Variants in P3H2 observed in about 807,000 individuals in gnomAD.
The protein encoded by P3H2 is prolyl 3-hydroxylase 2.
A neutral mutation model predicts 87.0 loss-of-function variants in P3H2; 80 were observed. That is an observed-to-expected ratio of 0.92 (90% confidence interval 0.77 to 1.11). The LOEUF (loss-of-function observed/expected upper bound fraction) is 1.11, where lower values mean the gene tolerates loss of function less well. Ranked by LOEUF, P3H2 falls within the 50% of genes least tolerant of loss-of-function variation. The pLI, the probability that P3H2 is intolerant of heterozygous loss-of-function variation, is 0.00. For missense variants in P3H2, 1,001 were observed against 923.9 expected, an observed-to-expected ratio of 1.08 and a Z score of -1.08; for synonymous variants, 367 against 359.3, an observed-to-expected ratio of 1.02 and a Z score of -0.24.
intron 1 of P3H2, among the ~76,000 whole-genome samples, chr3:190,025,015 CTT>C (rs1171524913): frequency 6.6e-6 from 1 of 152,080 alleles, no homozygotes; most frequent in African/African-American, 2.4e-5. Context: ...TAAAAAGACT[CTT>C]AAAGGAACTA....
intron 1 of P3H2, among the ~76,000 whole-genome samples, chr3:190,003,791 C>T (rs1387645477): frequency 6.6e-6 from 1 of 152,162 alleles, no homozygotes; most frequent in Non-Finnish European, 1.5e-5. Context: ...GGGATCTTAA[C>T]CTCTGCAGTG....
intron 13 of P3H2, among the ~76,000 whole-genome samples, chr3:189,965,203 C>T (rs1249156163): frequency 2.0e-5 from 3 of 152,138 alleles, no homozygotes; most frequent in Non-Finnish European, 4.4e-5. Flanking sequence ...GCTGGTTTTT[C>T]ACTGCTAGCT....
At chr3:190,025,745 A>C (rs1369369036) in intron 1 of P3H2, among the ~76,000 whole-genome samples, 1 of 152,178 alleles carries the variant, frequency 6.6e-6, no homozygotes, top group Non-Finnish European at 1.5e-5. Flanking sequence ...GAGCTGATTC[A>C]TTTACAAATG....
chr3:190,107,490 TTCC>T (rs1317438494), intron 1 of P3H2, among the ~76,000 whole-genome samples: 2 of 152,312 alleles, frequency 1.3e-5, no homozygotes, highest in South Asian at 4.1e-4. Flanking sequence ...TCACAAATAT[TTCC>T]TCATTTTGTC....
Position 189,994,125 on chromosome 3 carries a change from C to A in P3H2, c.792G>T (p.Gly264=). 6.2e-7 allele frequency: 1 copy of A among 1,613,408 alleles called. No individual in the cohort carries two copies. Among genetic ancestry groups the A allele is most frequent in the Non-Finnish European group, 8.5e-7 (1 of 1,179,728 alleles). The change falls in exon 3 of 15, where the codon GGG becomes GGT. Residue 264 remains glycine (G), a synonymous_variant. Coordinates refer to ENST00000319332, the MANE Select transcript of P3H2 (RefSeq NM_018192.4). The stretch of plus-strand genomic sequence containing the variant: ...TAGCTTCATACAGACCAGCCTTATA[C>A]CCTAAATACTCATATTCTTCAAATC... The part of the protein sequence containing the change: ...PQRFEEYEYL[G]YKAGLYEAIA...
chr3:190,090,123 C>T (rs1457948071), intron 1 of P3H2, among the ~76,000 whole-genome samples: 3 of 152,148 alleles, frequency 2.0e-5, no homozygotes, highest in Non-Finnish European at 4.4e-5. Context: ...CCCCAACAGA[C>T]CCTTTCCATT....
At chr3:190,055,287 T>TA (rs140979759) in intron 1 of P3H2, among the ~76,000 whole-genome samples, 3,026 of 152,282 alleles carry the variant, frequency 0.02, 109 homozygotes, top group African/African-American at 0.07. Context: ...TTCGTTTGGA[T>TA]AAAACTTCTA....
chr3:189,974,085 G>T, intron 9 of P3H2, 81 bp from the exon 10 acceptor site: 1 of 1,127,792 alleles, frequency 8.9e-7, no homozygotes, highest in Non-Finnish European at 1.4e-6. Context: ...CTGCCAGAAA[G>T]CTGAGAACTC....
chr3:190,035,048 C>T (rs1195745423), intron 1 of P3H2, among the ~76,000 whole-genome samples: 1 of 151,828 alleles, frequency 6.6e-6, no homozygotes, highest in Non-Finnish European at 1.5e-5. Context: ...AGTGTTTCAC[C>T]GTATTGGTCT....
chr3:190,034,822 G>A (rs1234353443), intron 1 of P3H2, among the ~76,000 whole-genome samples: 1 of 150,496 alleles, frequency 6.6e-6, no homozygotes, highest in African/African-American at 2.4e-5. Flanking sequence ...AAAAATATCT[G>A]GCCAAATCGC....
At chr3:190,032,448 T>C (rs1230435147) in intron 1 of P3H2, among the ~76,000 whole-genome samples, 1 of 151,960 alleles carries the variant, frequency 6.6e-6, no homozygotes, top group Admixed American at 6.6e-5. Context: ...AAATTCAACA[T>C]TAAAGTTTTG....
intron 1 of P3H2, among the ~76,000 whole-genome samples, chr3:190,012,207 GGTGTGTGTGTGT>G (rs3062120): frequency 2.7e-5 from 4 of 145,588 alleles, no homozygotes; most frequent in Non-Finnish European, 6.0e-5. Context: ...TGTAGGTAAA[GGTGTGTGTGTGT>G]GTGTGTGTGT....
chr3:189,987,339 T>A (rs1371642488), intron 5 of P3H2, among the ~76,000 whole-genome samples, 188 bp downstream of exon 5: 1 of 150,832 alleles, frequency 6.6e-6, no homozygotes, highest in African/African-American at 2.4e-5. Context: ...ATTAGCCGGG[T>A]GTGGTGGCAT....
rs375125105 is a variant in P3H2, at chr3:189,987,520, G to A, written c.1098+7C>T. The stretch of plus-strand genomic sequence containing the variant: ...AAAAGAATTTCTTTTCAAAACATTG[G>A]TCTCACCTCTCTGGCCTCAATGGAT... On this transcript the variant is annotated splice_region_variant and intron_variant, in intron 5 of 14. Transcript: ENST00000319332. 5 of 1,611,518 alleles carry A rather than the reference G, an allele frequency of 3.1e-6. No homozygotes were observed. The African/African-American group carries it at 6.7e-5, about 22-fold the overall frequency.
chr3:190,049,088 T>C (rs1199781758), intron 1 of P3H2, among the ~76,000 whole-genome samples: 1 of 152,210 alleles, frequency 6.6e-6, no homozygotes, highest in African/African-American at 2.4e-5. Flanking sequence ...AGTAGTTTTC[T>C]AGATATAAAA....
At chr3:190,092,941 A>G (rs1007699135) in intron 1 of P3H2, among the ~76,000 whole-genome samples, 2 of 152,112 alleles carry the variant, frequency 1.3e-5, no homozygotes, top group Non-Finnish European at 2.9e-5. Flanking sequence ...CCCCCCAAAA[A>G]TGATACAAAC....
intron 1 of P3H2, among the ~76,000 whole-genome samples, chr3:190,086,285 C>G (rs1239121241): frequency 1.3e-5 from 2 of 152,192 alleles, no homozygotes; most frequent in African/African-American, 4.8e-5. Flanking sequence ...ACTGAATACC[C>G]TCTAACTGCA....
chr3:189,973,511 C>CTTT lies in P3H2; in HGVS notation c.1548+395_1548+397dup, dbSNP rs869099221. 1.4e-3 allele frequency among the ~76,000 whole-genome samples: 48 copies of CTTT among 35,426 alleles called. 1 individual carries two copies. Among genetic ancestry groups the CTTT allele is most frequent in the Middle Eastern group, 0.023 (1 of 44 alleles). 23.2% of individuals were successfully genotyped at this position (35,426 alleles called of 152,430 possible). A position where few individuals can be genotyped will look rare whatever the true frequency, so the allele number is the denominator to read the frequency against. On this transcript the variant is annotated intron_variant, in intron 10 of 14. Coordinates refer to ENST00000319332, the MANE Select transcript of P3H2 (RefSeq NM_018192.4). Reference sequence around the variant, plus strand: ...AACTTTTTTCTTTCTTTCTTTCTTTCTTTTTTTTTTTTTTTTTTTTTTTTT... The same window carrying CTTT: ...AACTTTTTTCTTTCTTTCTTTCTTTCTTTTTTTTTTTTTTTTTTTTTTTTTTTT...
rs145897648 is a variant in P3H2 at position 190,085,096 on chromosome 3, C to T, written c.480+35156G>A. On this transcript the variant is annotated intron_variant, in intron 1 of 14. Transcript: ENST00000319332. ...TGGGGAGCAGACGTTGAATTATTCT[C>T]GTGTTGCTTCTGGTGAAATTCTCAT... Among the ~76,000 whole-genome samples, 342 of 152,212 alleles carry T rather than the reference C, an allele frequency of 2.2e-3. 1 individual carries two copies. Among genetic ancestry groups the T allele is most frequent in the African/African-American group, 7.9e-3 (328 of 41,540 alleles).
Sources: allele counts gnomAD v4.1 joint callset (sites outside exome capture counted in the v4.1 genomes callset), GRCh38; gene constraint gnomAD v4.1.1; transcripts MANE v1.5; gene names NCBI Gene and HGNC (gene_info 2026-07-23, HGNC 2026-07-21).